NT5DC3: variants seen among roughly 807,000 people sequenced by gnomAD.
NT5DC3 encodes 5'-nucleotidase domain-containing protein 3.
In NT5DC3, 42 loss-of-function variants were observed where a neutral mutation model predicts 67.8. The ratio of observed to expected loss-of-function variants is 0.62; its 90% CI spans 0.48 to 0.80. The LOEUF is 0.80. Ranked by LOEUF, NT5DC3 falls within the 30% of genes least tolerant of loss-of-function variation. The pLI is 0.00. For synonymous variants in NT5DC3, 237 were observed against 255.6 expected (o/e 0.93, Z 0.69); for missense variants, 570 against 696.4 (o/e 0.82, Z 2.04).
chr12:103,785,612 A>G (rs757027752), intron 11 of NT5DC3, 137 bp from the exon 12 acceptor site: 2 of 863,540 alleles, frequency 2.3e-6, no homozygotes, highest in Admixed American at 2.0e-5. Context: ...GCTGAATTCA[A>G]TGAATTACAT....
the NT5DC3 span, among the ~76,000 whole-genome samples, chr12:103,757,020 T>TATATATATATATAAA: frequency 7.8e-6 from 1 of 128,874 alleles, no homozygotes; most frequent in Admixed American, 7.9e-5. Context: ...TATATATATA[T>TATATATATATATAAA]ATATATATAT....
chr12:103,796,937 T>C lies in NT5DC3; in HGVS notation c.710A>G (p.Asn237Ser), dbSNP rs1272948108. The change falls in exon 6 of 14, where the codon AAC (asparagine) becomes AGC (serine). Residue 237 changes from asparagine to serine, a missense_variant. By Grantham distance (46) the Asn-to-Ser change is conservative. This residue lies in a region of NT5DC3 where 466 missense variants were observed against 608.0 expected (regional missense o/e 0.77). Transcript: ENST00000392876. ...ATGCACAGGCTCATAGTCGATGTTG[T>C]TCTTGAGGAAGTATTCATTCACGCA... ...LSCVNEYFLK[N>S]NIDYEPVHLY... The C allele has an allele frequency of 1.9e-6, 3 of 1,614,020 alleles. No homozygotes were observed. Among genetic ancestry groups the C allele is most frequent in the Non-Finnish European group, 2.5e-6 (3 of 1,180,028 alleles).
downstream of NT5DC3, among the ~76,000 whole-genome samples, chr12:103,769,765 G>T (rs1375589101): frequency 6.6e-6 from 1 of 152,266 alleles, no homozygotes; most frequent in Non-Finnish European, 1.5e-5. Context: ...TACGAGCAGG[G>T]AGGAAAAGAT....
chr12:103,748,742 G>C, the NT5DC3 span, among the ~76,000 whole-genome samples: 26 of 152,170 alleles, frequency 1.7e-4, no homozygotes, highest in African/African-American at 5.8e-4. Context: ...GGGGGCAGAA[G>C]CGGACAGATG....
At chr12:103,768,971 C>T (rs1261674154), downstream of NT5DC3, 1 of 152,086 alleles carries the variant, frequency 6.6e-6, no homozygotes, top group East Asian at 1.9e-4. Flanking sequence ...CCCACGCTGC[C>T]CTCTGAGTGC....
At chr12:103,750,834 T>C in the NT5DC3 span, 3 of 1,379,872 alleles carry the variant, frequency 2.2e-6, no homozygotes, top group Non-Finnish European at 2.9e-6. Context: ...CTCAAGCCTG[T>C]AATCCCAATA....
chr12:103,804,186 T>C (rs557491097), intron 4 of NT5DC3, among the ~76,000 whole-genome samples: 4 of 152,084 alleles, frequency 2.6e-5, no homozygotes, highest in Non-Finnish European at 5.9e-5. Context: ...CTCCTCTCCA[T>C]CCTGAAACAC....
At chr12:103,799,805 A>AAAAAAAAAAT (rs1566111085) in intron 4 of NT5DC3, among the ~76,000 whole-genome samples, 1 of 35,688 alleles carries the variant, frequency 2.8e-5, no homozygotes, top group African/African-American at 6.0e-5. Flanking sequence ...TCCACATACC[A>AAAAAAAAAAT]AAAAAAAAAA....
intron 11 of NT5DC3, among the ~76,000 whole-genome samples, chr12:103,786,514 A>G (rs1885781325): frequency 2.8e-5 from 3 of 107,988 alleles, no homozygotes; most frequent in African/African-American, 1.2e-4. Flanking sequence ...AACCATAGGA[A>G]CTCAGGCTTT....
At chr12:103,830,387 C>T (rs994289370) in intron 1 of NT5DC3, among the ~76,000 whole-genome samples, 9 of 152,142 alleles carry the variant, frequency 5.9e-5, no homozygotes, top group African/African-American at 1.2e-4. Context: ...TTGGGATTTG[C>T]TTTGCATTCT....
At chr12:103,815,295 T>C (rs568245066) in intron 1 of NT5DC3, among the ~76,000 whole-genome samples, 174 bp from the exon 2 acceptor site, 46 of 152,314 alleles carry the variant, frequency 3.0e-4, no homozygotes, top group Non-Finnish European at 5.4e-4. Context: ...CCTATTCATA[T>C]GAAATGTCCA....
At chr12:103,779,601 A>G (rs1229243151) in intron 13 of NT5DC3, among the ~76,000 whole-genome samples, 1 of 152,062 alleles carries the variant, frequency 6.6e-6, no homozygotes, top group African/African-American at 2.4e-5. Context: ...CACCACATGA[A>G]CCCTGGAGTC....
At chr12:103,795,061 C>T (rs924980797) in intron 6 of NT5DC3, among the ~76,000 whole-genome samples, 1 of 152,170 alleles carries the variant, frequency 6.6e-6, no homozygotes, top group South Asian at 2.1e-4. Context: ...TAAGAGTGAG[C>T]ACTTCTGGAC....
In NT5DC3 at chr12:103,787,535, C is replaced by T. The variant is rs773981751; in HGVS notation, c.1102-8G>A. 6.8e-7 allele frequency: 1 copy of T among 1,468,458 alleles called. No homozygotes were observed. Among genetic ancestry groups the T allele is most frequent in the South Asian group, 1.2e-5 (1 of 83,780 alleles). The allele number at this position is 1,468,458 out of a possible 1,614,324, so 91.0% of individuals were successfully genotyped here. The stretch of plus-strand genomic sequence containing the variant: ...AAATTCATATAAATTACCCTGTAAT[C>T]AGAGAAAACTATAGTTATTATTATT... On this transcript the variant is annotated splice_polypyrimidine_tract_variant and splice_region_variant and intron_variant, in intron 10 of 13. Coordinates refer to ENST00000392876, the MANE Select transcript of NT5DC3 (RefSeq NM_001031701.3).
intron 2 of NT5DC3, among the ~76,000 whole-genome samples, chr12:103,812,656 G>C (rs1469902687): frequency 1.3e-5 from 2 of 152,048 alleles, no homozygotes; most frequent in Non-Finnish European, 2.9e-5. Context: ...ACATGGAGTC[G>C]AGGAGAGAAT....
At chr12:103,794,035 C>T (rs1229259149) in intron 6 of NT5DC3, 38 bp from the exon 7 acceptor site, 34 of 1,470,690 alleles carry the variant, frequency 2.3e-5, no homozygotes, top group Non-Finnish European at 3.2e-5. Context: ...GAAAATACAA[C>T]TGAGATAGCC....
intron 13 of NT5DC3, among the ~76,000 whole-genome samples, chr12:103,779,870 G>A (rs937789341): frequency 5.9e-5 from 9 of 152,226 alleles, no homozygotes; most frequent in African/African-American, 2.2e-4. Flanking sequence ...TCTTGAAATA[G>A]CTGTGGTTAC....
At chr12:103,786,818 G>A (rs1885803520) in intron 11 of NT5DC3, among the ~76,000 whole-genome samples, 6 of 152,010 alleles carry the variant, frequency 3.9e-5, no homozygotes. Context: ...CAGTAGCTGG[G>A]ATTACAGGCG....
downstream of NT5DC3, among the ~76,000 whole-genome samples, chr12:103,767,466 T>C (rs1336287935): frequency 1.3e-5 from 2 of 152,318 alleles, no homozygotes; most frequent in African/African-American, 2.4e-5. Flanking sequence ...AGGAATTCGA[T>C]AGCAGTGACG....
Sources: gnomAD v4.1 joint callset for allele counts (sites outside exome capture counted in the v4.1 genomes callset) on GRCh38, gnomAD v4.1.1 for gene constraint, gnomAD v4.1.1 regional missense constraint, MANE v1.5 for transcripts, NCBI Gene and HGNC (gene_info 2026-07-23, HGNC 2026-07-21) for gene names.